The following FAM184B variants were observed in gnomAD, a reference collection of about 807,000 sequenced individuals.
FAM184B encodes family with sequence similarity 184 member B.
FAM184B carries 111 observed loss-of-function variants against 135.9 expected under a neutral mutation model. That is an observed-to-expected ratio of 0.82 (90% CI 0.70 to 0.96). FAM184B has a LOEUF of 0.96. Among genes scored for constraint, FAM184B ranks in the 40% least tolerant of loss-of-function variants. FAM184B has a pLI of 0.00. For missense variants in FAM184B, 1,375 were observed against 1,323.9 expected, an observed-to-expected ratio of 1.04 and a Z score of -0.60; for synonymous variants, 552 against 524.8, an observed-to-expected ratio of 1.05 and a Z score of -0.71.
chr4:17,677,288 T>C (rs183132597), intron 7 of FAM184B, among the ~76,000 whole-genome samples: 15 of 152,318 alleles, frequency 9.8e-5, no homozygotes, highest in African/African-American at 3.6e-4. Flanking sequence ...CCTCAAGTGA[T>C]CTGCCCACAT....
rs1422761354 is a variant in FAM184B at position 17,705,781 on chromosome 4, G to T, written c.1141C>A (p.Pro381Thr). 6.4e-7 allele frequency: 1 copy of T among 1,551,824 alleles called. No individual in the cohort carries two copies. The highest frequency in any genetic ancestry group is 2.0e-5 in the Admixed American group (1 of 51,006). Residue 381 changes from proline to threonine, a missense_variant, in exon 4 of 18, where the codon CCT becomes ACT. By Grantham distance (38) the Pro-to-Thr change is conservative (BLOSUM62 -1). Transcript: ENST00000265018. ...QQDQSCLKEC[P>T]CMKGGTDMQT... The stretch of plus-strand genomic sequence containing the variant: ...ATATCTGTGCCTCCTTTCATGCAAG[G>T]GCACTCCTTGAGACAGCTTTGATCC...
intron 10 of FAM184B, among the ~76,000 whole-genome samples, chr4:17,655,989 A>G (rs1715770056): frequency 6.6e-6 from 1 of 152,194 alleles, no homozygotes; most frequent in African/African-American, 2.4e-5. Context: ...TAAATGGCAG[A>G]TCCAGGACTT....
At chr4:17,641,461 C>CT (rs71167316) in intron 13 of FAM184B, among the ~76,000 whole-genome samples, 1,464 of 45,646 alleles carry the variant, frequency 0.032, 366 homozygotes, top group Non-Finnish European at 0.046. Context: ...AGGACTCCCT[C>CT]TTTTTTTTTT....
At chr4:17,675,572 G>A (rs948796147) in intron 7 of FAM184B, among the ~76,000 whole-genome samples, 4 of 152,162 alleles carry the variant, frequency 2.6e-5, no homozygotes, top group African/African-American at 7.2e-5. Context: ...AAGCGTTGGA[G>A]CCAGGCATTG....
chr4:17,742,180 T>TA (rs1253816933), intron 1 of FAM184B, among the ~76,000 whole-genome samples: 3 of 143,756 alleles, frequency 2.1e-5, no homozygotes, highest in Non-Finnish European at 3.0e-5. Flanking sequence ...TTTTTTTTTT[T>TA]AAAGAGGCTG....
intron 1 of FAM184B, among the ~76,000 whole-genome samples, chr4:17,735,598 C>A (rs1313681079): frequency 1.3e-5 from 2 of 151,548 alleles, no homozygotes; most frequent in Non-Finnish European, 2.9e-5. Flanking sequence ...CTGTCATTGG[C>A]ATTTTTTTTC....
chr4:17,658,550 G>C lies in FAM184B; in HGVS notation c.1837C>G (p.Gln613Glu). ...AKLQAQVSQM[Q>E]QALEQCTSNY... ...CTGGTGCACTGCTCCAGAGCCTGCTGCATCTGTGAGACCTGCGCACAAGGC... is the reference window on the plus strand; with the variant it reads ...CTGGTGCACTGCTCCAGAGCCTGCTCCATCTGTGAGACCTGCGCACAAGGC... The change falls in exon 10 of 18, where the codon CAG becomes GAG. Residue 613 changes from glutamine to glutamate, a missense_variant. Coordinates refer to ENST00000265018, the MANE Select transcript of FAM184B (RefSeq NM_015688.2). The C allele has an allele frequency of 2.6e-6, 4 of 1,551,002 alleles. No individual in the cohort carries two copies. The highest frequency in any genetic ancestry group is 1.2e-5 in the South Asian group (1 of 84,040).
At chr4:17,726,979 C>T (rs1049220293) in intron 1 of FAM184B, among the ~76,000 whole-genome samples, 38 of 152,252 alleles carry the variant, frequency 2.5e-4, no homozygotes, top group African/African-American at 8.2e-4. Context: ...ATGGGGTTGA[C>T]CTGCCTCAAT....
chr4:17,646,375 T>C (rs1443433917), intron 12 of FAM184B, among the ~76,000 whole-genome samples: 2 of 152,164 alleles, frequency 1.3e-5, no homozygotes, highest in African/African-American at 2.4e-5. Flanking sequence ...GTGGCACATA[T>C]ACACCATGGA....
chr4:17,742,156 ATATATATATATAT>A (rs1393290166), intron 1 of FAM184B, among the ~76,000 whole-genome samples: 4 of 61,140 alleles, frequency 6.5e-5, no homozygotes, highest in African/African-American at 2.5e-4. Context: ...ATATATATAT[ATATATATATATAT>A]TTTTTTTTTT....
At chr4:17,636,040 G>A (rs1439664144) in intron 15 of FAM184B, among the ~76,000 whole-genome samples, 3 of 92,774 alleles carry the variant, frequency 3.2e-5, no homozygotes, top group African/African-American at 9.8e-5. Flanking sequence ...GGAGTAAAGT[G>A]ATTTTTTTTT....
At position 17,633,781 on chromosome 4, in the gene FAM184B, A is replaced by C. The variant is rs2108924927; in HGVS notation, c.2997T>G (p.Pro999=). Residue 999 remains proline, a synonymous_variant, in exon 17 of 18, where the codon CCT becomes CCG. Coordinates refer to ENST00000265018, the MANE Select transcript of FAM184B (RefSeq NM_015688.2). The part of the protein sequence containing the change: ...SGDLSSRINA[P]PITTSPSLDP... ...CCAAGCTGGGTGATGTAGTTATTGG[A>C]GGGGCATTAATCCTGGAACTCAGAT... 1.9e-6 allele frequency: 3 copies of C among 1,551,538 alleles called. No individual in the cohort carries two copies. The South Asian group carries it at 3.6e-5, about 18-fold the overall frequency.
At chr4:17,636,460 C>G in intron 15 of FAM184B, 68 bp downstream of exon 15, 1 of 1,204,470 alleles carries the variant, frequency 8.3e-7, no homozygotes, top group Non-Finnish European at 1.2e-6. Flanking sequence ...TGCAAGTGAA[C>G]GCCCCTCCCG....
At chr4:17,637,770 G>A (rs985339030) in intron 14 of FAM184B, among the ~76,000 whole-genome samples, 3 of 152,162 alleles carry the variant, frequency 2.0e-5, no homozygotes, top group Non-Finnish European at 4.4e-5. Context: ...CACCTGTTTG[G>A]ACCTGGCTTG....
intron 5 of FAM184B, among the ~76,000 whole-genome samples, chr4:17,700,924 A>C (rs1477519287): frequency 1.3e-5 from 2 of 152,242 alleles, no homozygotes; most frequent in African/African-American, 2.4e-5. Flanking sequence ...ATATGAAAAA[A>C]AAATCTGAGA....
chr4:17,766,140 CT>C (rs1718680904), intron 1 of FAM184B, among the ~76,000 whole-genome samples: 1 of 152,178 alleles, frequency 6.6e-6, no homozygotes, highest in South Asian at 2.1e-4. Flanking sequence ...GTTGCCATTG[CT>C]GGGTCAGGCA....
intron 1 of FAM184B, among the ~76,000 whole-genome samples, chr4:17,729,513 G>A (rs1192385737): frequency 2.6e-5 from 4 of 152,234 alleles, no homozygotes; most frequent in Non-Finnish European, 5.9e-5. Flanking sequence ...GGGGCAGAAT[G>A]ACACCTCACA....
intron 8 of FAM184B, among the ~76,000 whole-genome samples, chr4:17,663,900 C>T (rs1715983448): frequency 6.6e-6 from 1 of 152,166 alleles, no homozygotes; most frequent in South Asian, 2.1e-4. Context: ...TTTGTCATTT[C>T]CTTCTACACA....
Position 17,709,272 on chromosome 4 carries a change from GGGTA to G in FAM184B, c.510_513del (p.Thr171ArgfsTer27). The G allele has an allele frequency of 6.5e-7, 1 of 1,548,494 alleles. No individual in the cohort carries two copies. The highest frequency in any genetic ancestry group is 8.7e-7 in the Non-Finnish European group (1 of 1,145,382). ...CTCTCCTGGGGCAGCCGGCCCTGCGGGGTAGCCTCGTGGCTCGTCAGGTGCTGGA... is the reference window on the plus strand; with the variant it reads ...CTCTCCTGGGGCAGCCGGCCCTGCGGGCCTCGTGGCTCGTCAGGTGCTGGA... On this transcript the variant is annotated frameshift_variant, in exon 2 of 18. Coordinates refer to ENST00000265018, the MANE Select transcript of FAM184B (RefSeq NM_015688.2). LOFTEE classifies it high-confidence loss of function.
Sources: allele counts gnomAD v4.1 joint callset (sites outside exome capture counted in the v4.1 genomes callset), GRCh38; gene constraint gnomAD v4.1.1; transcripts MANE v1.5; gene names NCBI Gene and HGNC (gene_info 2026-07-23, HGNC 2026-07-21).